DOCK4: variants seen among roughly 807,000 people sequenced by gnomAD.
The protein encoded by DOCK4 is dedicator of cytokinesis 4.
A neutral mutation model predicts 268.1 loss-of-function variants in DOCK4; 97 were observed. The observed-to-expected ratio is 0.36, with a 90% CI of 0.31 to 0.43. DOCK4 has a LOEUF of 0.43. Among genes scored for constraint, DOCK4 ranks in the 20% least tolerant of loss-of-function variants. The pLI, the probability that DOCK4 is intolerant of heterozygous loss-of-function variation, is 1.00. For missense variants in DOCK4, 2,145 were observed against 2,455.7 expected (o/e 0.87, Z 2.67); for synonymous variants, 954 against 887.2 (o/e 1.08, Z -1.34).
At chr7:111,983,862 G>GCGCGTGCACACACACACACACACACA in intron 7 of DOCK4, among the ~76,000 whole-genome samples, 2 of 138,562 alleles carry the variant, frequency 1.4e-5, no homozygotes, top group African/African-American at 2.8e-5. Flanking sequence ...GCGCGCGCGC[G>GCGCGTGCACACACACACACACACACA]CACACACACA....
At chr7:111,944,203 C>T (rs533514533) in intron 10 of DOCK4, among the ~76,000 whole-genome samples, 48 of 152,282 alleles carry the variant, frequency 3.2e-4, no homozygotes, top group African/African-American at 1.0e-3. Flanking sequence ...ATAAGTGCTA[C>T]ATTATATAAG....
intron 2 of DOCK4, 55 bp from the exon 3 acceptor site, chr7:112,000,589 A>T: frequency 7.9e-7 from 1 of 1,266,000 alleles, no homozygotes; most frequent in South Asian, 1.6e-5. Flanking sequence ...TATTTTAAAG[A>T]TAATAACAAA....
intron 42 of DOCK4, among the ~76,000 whole-genome samples, chr7:111,752,947 C>A (rs1037047026): frequency 7.2e-5 from 10 of 139,604 alleles, no homozygotes; most frequent in Non-Finnish European, 1.5e-4. Flanking sequence ...AAATAATAAA[C>A]TACAGAGGAA....
At chr7:111,743,016 GA>G (rs555729460) in intron 44 of DOCK4, among the ~76,000 whole-genome samples, 5 of 151,560 alleles carry the variant, frequency 3.3e-5, no homozygotes, top group Non-Finnish European at 7.4e-5. Flanking sequence ...AAAGAAAAAA[GA>G]AAAAAATCCC....
At chr7:111,853,438 C>T (rs1234919076) in intron 23 of DOCK4, among the ~76,000 whole-genome samples, 1 of 152,196 alleles carries the variant, frequency 6.6e-6, no homozygotes, top group African/African-American at 2.4e-5. Context: ...TACAGAAAGC[C>T]TGACATCAGA....
At chr7:112,187,170 A>G (rs999931913) in intron 1 of DOCK4, among the ~76,000 whole-genome samples, 1 of 152,228 alleles carries the variant, frequency 6.6e-6, no homozygotes, top group Non-Finnish European at 1.5e-5. Context: ...AAAACTCAAT[A>G]GCAAAATAAC....
intron 12 of DOCK4, among the ~76,000 whole-genome samples, chr7:111,931,135 G>A (rs1345413017): frequency 6.6e-6 from 1 of 152,130 alleles, no homozygotes; most frequent in Non-Finnish European, 1.5e-5. Flanking sequence ...CAAGGACAGC[G>A]GAGCAGACAG....
At position 111,976,160 on chromosome 7, in the gene DOCK4, A is replaced by AT. The variant is rs60154730; in HGVS notation, c.701+971_701+972insA. Among the ~76,000 whole-genome samples, 119 of 78,424 alleles carry AT rather than the reference A, an allele frequency of 1.5e-3. 12 individuals are homozygous for AT. The highest frequency in any genetic ancestry group is 1.8e-3 in the Non-Finnish European group (79 of 44,364). The allele number at this position is 78,424 out of a possible 152,430, so 51.4% of individuals were successfully genotyped here. A position where few individuals can be genotyped will look rare whatever the true frequency, so the allele number is the denominator to read the frequency against. On this transcript the variant is annotated intron_variant, in intron 8 of 52. Coordinates refer to ENST00000428084, the MANE Select transcript of DOCK4 (RefSeq NM_001363540.2). Reference sequence around the variant, plus strand: ...CATCTCAAAAAAAAAAAAAAAAAAAAAATATATATATATATATACACACAC... The same window carrying AT: ...CATCTCAAAAAAAAAAAAAAAAAAAATAATATATATATATATATACACACAC...
intron 13 of DOCK4, among the ~76,000 whole-genome samples, chr7:111,914,190 A>G (rs961705970): frequency 6.6e-6 from 1 of 152,054 alleles, no homozygotes; most frequent in African/African-American, 2.4e-5. Flanking sequence ...AATCCCCCTC[A>G]AAGTATAAAC....
intron 10 of DOCK4, among the ~76,000 whole-genome samples, 171 bp downstream of exon 10, chr7:111,944,640 T>A (rs115420519): frequency 1.4e-3 from 216 of 152,312 alleles, no homozygotes; most frequent in Middle Eastern, 0.01. Flanking sequence ...AGGTCATATG[T>A]GGGGTTGGGA....
chr7:111,836,876 A>G (rs1399413808), intron 25 of DOCK4, among the ~76,000 whole-genome samples: 2 of 152,180 alleles, frequency 1.3e-5, no homozygotes, highest in African/African-American at 2.4e-5. Context: ...AACAGAAAAA[A>G]GCATCAGTGA....
At chr7:111,795,238 C>T (rs966159653) in intron 30 of DOCK4, among the ~76,000 whole-genome samples, 2 of 152,070 alleles carry the variant, frequency 1.3e-5, no homozygotes, top group East Asian at 3.9e-4. Context: ...GAGGCTGAGG[C>T]AGGAGGATCA....
chr7:112,199,922 T>C lies in DOCK4; in HGVS notation c.37+6180A>G, dbSNP rs557850744. 7.2e-5 allele frequency among the ~76,000 whole-genome samples: 11 copies of C among 152,342 alleles called. No homozygotes were observed. The East Asian group carries it at 2.1e-3, about 29-fold the overall frequency. On this transcript the variant is annotated intron_variant, in intron 1 of 52. Transcript: ENST00000428084. ...CAATGCATGTGATGGCTTTAAATAT[T>C]TGTTCCATCTTTAATAAGAAATACT...
In DOCK4 at chr7:112,113,734, A is replaced by ATTTTTTTTTTT. The variant is rs57672966; in HGVS notation, c.37+92357_37+92367dup. Among the ~76,000 whole-genome samples, 7 of 49,548 alleles carry ATTTTTTTTTTT rather than the reference A, an allele frequency of 1.4e-4. 1 individual carries two copies. The highest frequency in any genetic ancestry group is 2.2e-4 in the Non-Finnish European group (6 of 26,896). 32.5% of individuals were successfully genotyped at this position (49,548 alleles called of 152,430 possible). Reference sequence around the variant, plus strand: ...AGGCATGCACCACCATACTTGGCTGATTTTTTTTTTTTTTTTTTTTTTTTT... The same window carrying ATTTTTTTTTTT: ...AGGCATGCACCACCATACTTGGCTGATTTTTTTTTTTTTTTTTTTTTTTTTTTTTTTTTTTT... On this transcript the variant is annotated intron_variant, in intron 1 of 52. Coordinates refer to ENST00000428084, the MANE Select transcript of DOCK4 (RefSeq NM_001363540.2).
intron 41 of DOCK4, among the ~76,000 whole-genome samples, chr7:111,756,585 C>T (rs1002053496): frequency 3.9e-5 from 6 of 152,082 alleles, no homozygotes; most frequent in African/African-American, 1.4e-4. Context: ...AACCCCAGGA[C>T]ATGTGAAACC....
chr7:111,767,628 TACC>T (rs570906762), intron 37 of DOCK4, among the ~76,000 whole-genome samples: 102 of 152,310 alleles, frequency 6.7e-4, no homozygotes, highest in Non-Finnish European at 1.0e-3. Context: ...AACGATAATC[TACC>T]ACAACAGTCA....
intron 13 of DOCK4, 107 bp downstream of exon 13, chr7:111,915,672 T>C (rs1792519283): frequency 1.8e-6 from 2 of 1,131,574 alleles, no homozygotes; most frequent in South Asian, 1.6e-5. Flanking sequence ...TTCTTCAGCA[T>C]GGCCCATGTG....
chr7:111,782,009 A>C (rs928799376), intron 35 of DOCK4, among the ~76,000 whole-genome samples: 1 of 152,192 alleles, frequency 6.6e-6, no homozygotes, highest in Non-Finnish European at 1.5e-5. Context: ...AAATATAAGA[A>C]AAAGAAACCA....
At chr7:111,867,027 A>C (rs1806028895) in intron 22 of DOCK4, among the ~76,000 whole-genome samples, 1 of 152,226 alleles carries the variant, frequency 6.6e-6, no homozygotes, top group African/African-American at 2.4e-5. Context: ...GGCCAAAATG[A>C]CATTTAAAAG....
Sources: allele counts gnomAD v4.1 joint callset (sites outside exome capture counted in the v4.1 genomes callset), GRCh38; gene constraint gnomAD v4.1.1; transcripts MANE v1.5; gene names NCBI Gene and HGNC (gene_info 2026-07-23, HGNC 2026-07-21).